KCNG3: variants seen among roughly 807,000 people sequenced by gnomAD.
The protein encoded by KCNG3 is potassium voltage-gated channel modifier subfamily G member 3, also known as voltage-gated potassium channel regulatory subunit KCNG3.
Under a neutral mutation model 29.0 loss-of-function variants are expected in KCNG3, and 15 were observed. That is an observed-to-expected ratio of 0.52 (90% CI 0.35 to 0.80). The LOEUF (loss-of-function observed/expected upper bound fraction) is 0.80. KCNG3 is among the 30% of genes least tolerant of loss of function. KCNG3 has a pLI of 0.01. For synonymous variants in KCNG3, 322 were observed against 248.9 expected, an observed-to-expected ratio of 1.29 and a Z score of -2.76; for missense variants, 512 against 605.7, an observed-to-expected ratio of 0.85 and a Z score of 1.62.
chr2:42,421,641 G>A, the KCNG3 span, among the ~76,000 whole-genome samples: 1 of 151,808 alleles, frequency 6.6e-6, no homozygotes, highest in African/African-American at 2.4e-5. Context: ...GTTTATTTGG[G>A]GCCAGCTGTG....
chr2:42,453,167 G>A (rs538458366), intron 1 of KCNG3, among the ~76,000 whole-genome samples: 2 of 152,266 alleles, frequency 1.3e-5, no homozygotes, highest in South Asian at 2.1e-4. Flanking sequence ...GTGAGTGCAC[G>A]TATCTTTCTG....
At chr2:42,412,896 TTAC>T in the KCNG3 span, among the ~76,000 whole-genome samples, 1,899 of 152,320 alleles carry the variant, frequency 0.012, 37 homozygotes, top group African/African-American at 0.042. Context: ...TTATTTTTAA[TTAC>T]TACGTCACAT....
chr2:42,449,230 A>G (rs1464407144), intron 1 of KCNG3, among the ~76,000 whole-genome samples: 22 of 152,180 alleles, frequency 1.4e-4, no homozygotes, highest in Admixed American at 1.4e-3. Flanking sequence ...CTCCTCCAAC[A>G]TAAATTTTAT....
chr2:42,419,542 C>A, the KCNG3 span, among the ~76,000 whole-genome samples: 1 of 151,910 alleles, frequency 6.6e-6, no homozygotes, highest in Admixed American at 6.6e-5. Context: ...TGTAATCCAC[C>A]ACGCCCAGCC....
chr2:42,487,031 C>T (rs970278198), intron 1 of KCNG3, among the ~76,000 whole-genome samples: 5 of 151,762 alleles, frequency 3.3e-5, no homozygotes, highest in African/African-American at 1.2e-4. Flanking sequence ...GTGGCGGATA[C>T]CTGTAATCCC....
chr2:42,436,896 G>C, the KCNG3 span, among the ~76,000 whole-genome samples: 3 of 152,202 alleles, frequency 2.0e-5, no homozygotes, highest in East Asian at 3.9e-4. Flanking sequence ...CTTCTCAAAA[G>C]AACTTGTTCT....
intron 1 of KCNG3, among the ~76,000 whole-genome samples, chr2:42,473,284 C>T (rs557782276): frequency 5.3e-5 from 8 of 151,996 alleles, no homozygotes; most frequent in African/African-American, 1.9e-4. Flanking sequence ...TTTTTATATG[C>T]CTGAAAGACT....
At chr2:42,437,371 T>C (rs1035542554), downstream of KCNG3, among the ~76,000 whole-genome samples, 2 of 152,166 alleles carry the variant, frequency 1.3e-5, no homozygotes, top group African/African-American at 4.8e-5. Flanking sequence ...ATTTGTATTA[T>C]TCTTTGTTTT....
chr2:42,490,474 CACA>C (rs1268006404), intron 1 of KCNG3, among the ~76,000 whole-genome samples: 1 of 152,150 alleles, frequency 6.6e-6, no homozygotes, highest in African/African-American at 2.4e-5. Flanking sequence ...TTGGGCAGTG[CACA>C]ACCTCTGCAA....
At chr2:42,430,363 AAAATAAATAAATAAAT>A in the KCNG3 span, among the ~76,000 whole-genome samples, 2,254 of 140,102 alleles carry the variant, frequency 0.016, 55 homozygotes, top group African/African-American at 0.056. Flanking sequence ...GACTGTCTTA[AAAATAAATAAATAAAT>A]AAATAAATAA....
the KCNG3 span, among the ~76,000 whole-genome samples, chr2:42,406,504 G>A: frequency 6.7e-6 from 1 of 149,754 alleles, no homozygotes. Context: ...CAGGCATAAA[G>A]CCACCGCACC....
Position 42,444,670 on chromosome 2 carries a change from C to G in KCNG3, c.666-91G>C, listed in dbSNP as rs565708356. 7 of 1,145,806 alleles carry G rather than the reference C, an allele frequency of 6.1e-6. No homozygotes were observed. The highest frequency in any genetic ancestry group is 8.7e-6 in the Non-Finnish European group (7 of 804,152). The allele number at this position is 1,145,806 out of a possible 1,614,324, so 71.0% of individuals were successfully genotyped here. A position where few individuals can be genotyped will look rare whatever the true frequency, so the allele number is the denominator to read the frequency against. ...CTTCAGATAGTACTACACTGACATA[C>G]TAATTCAGTTACTTTTCCAGAAAAC... On this transcript the variant is annotated intron_variant, in intron 1 of 1. Coordinates refer to ENST00000306078, the MANE Select transcript of KCNG3 (RefSeq NM_133329.6). This position sits in a 1 kb window ranked among gnomAD's most constrained non-coding sequence, Gnocchi z 5.8.
At chr2:42,432,770 T>TA in the KCNG3 span, among the ~76,000 whole-genome samples, 2 of 152,164 alleles carry the variant, frequency 1.3e-5, no homozygotes, top group Non-Finnish European at 2.9e-5. Context: ...AAGAACTGTT[T>TA]AAAAACCATC....
chr2:42,492,716 C>A (rs1016787242), intron 1 of KCNG3, 121 bp downstream of exon 1: 1 of 819,082 alleles, frequency 1.2e-6, no homozygotes, highest in Non-Finnish European at 1.5e-6. Context: ...CTGGGCCTCG[C>A]TGGGCGCGCA....
the KCNG3 span, among the ~76,000 whole-genome samples, chr2:42,412,792 A>G: frequency 5.3e-5 from 8 of 152,296 alleles, no homozygotes; most frequent in African/African-American, 1.9e-4. Flanking sequence ...TTCAAAATTT[A>G]AAAGGGCATT....
the KCNG3 span, among the ~76,000 whole-genome samples, chr2:42,435,276 C>A: frequency 1.4e-4 from 22 of 152,132 alleles, no homozygotes; most frequent in African/African-American, 4.8e-4. Flanking sequence ...GCACTTCACT[C>A]CAGGCTGGGC....
the KCNG3 span, among the ~76,000 whole-genome samples, chr2:42,399,630 C>T: frequency 6.6e-6 from 1 of 152,254 alleles, no homozygotes; most frequent in Non-Finnish European, 1.5e-5. Flanking sequence ...TTAGACTCCT[C>T]AGTCACATCA....
chr2:42,491,420 T>C (rs986015936), intron 1 of KCNG3, among the ~76,000 whole-genome samples: 4 of 152,188 alleles, frequency 2.6e-5, no homozygotes, highest in Admixed American at 1.3e-4. Context: ...TTTGCTAATG[T>C]AGCTCAAACC....
chr2:42,477,422 C>CAT (rs1673464305), intron 1 of KCNG3, among the ~76,000 whole-genome samples: 16 of 40,790 alleles, frequency 3.9e-4, no homozygotes, highest in African/African-American at 9.9e-4. Flanking sequence ...CACACACACA[C>CAT]ATATATTTTT....
Sources: gnomAD v4.1 joint callset for allele counts (sites outside exome capture counted in the v4.1 genomes callset) on GRCh38, gnomAD v4.1.1 for gene constraint, Gnocchi (gnomAD v3.1) non-coding constraint, MANE v1.5 for transcripts, NCBI Gene and HGNC (gene_info 2026-07-23, HGNC 2026-07-21) for gene names.